Variants in CHD6 observed in about 807,000 individuals in gnomAD.
The protein encoded by CHD6 is ATP-dependent chromatin remodeler CHD6.
A neutral mutation model predicts 276.9 loss-of-function variants in CHD6; 50 were observed. The observed-to-expected ratio is 0.18, with a 90% CI of 0.14 to 0.23. CHD6 has a LOEUF of 0.23. Among genes scored for constraint, CHD6 ranks in the 10% least tolerant of loss-of-function variants. The probability of loss-of-function intolerance (pLI) is 1.00; values close to 1 mark genes in which losing one functional copy is unlikely to be tolerated. For missense variants in CHD6, 2,564 were observed against 3,365.8 expected (o/e 0.76, Z 5.89); for synonymous variants, 1,173 against 1,229.3 (o/e 0.95, Z 0.96).
At chr20:41,553,670 G>A (rs2045179182) in intron 1 of CHD6, among the ~76,000 whole-genome samples, 1 of 152,216 alleles carries the variant, frequency 6.6e-6, no homozygotes, top group South Asian at 2.1e-4. Flanking sequence ...CTTTGTTCAG[G>A]TGTGCTCTCA....
intron 16 of CHD6, among the ~76,000 whole-genome samples, chr20:41,474,369 C>A (rs1336292126): frequency 2.0e-5 from 3 of 152,068 alleles, no homozygotes; most frequent in Non-Finnish European, 4.4e-5. Flanking sequence ...CAGAAGAGAC[C>A]TTTACGTTGG....
chr20:41,593,065 A>T (rs1313236164), intron 1 of CHD6, among the ~76,000 whole-genome samples: 1 of 152,066 alleles, frequency 6.6e-6, no homozygotes, highest in Non-Finnish European at 1.5e-5. Flanking sequence ...ACAACAGAAA[A>T]ATCAAAATAC....
In CHD6 at chr20:41,420,622, C is replaced by T; in HGVS notation, c.6013G>A (p.Glu2005Lys). 1 of 1,614,230 alleles carries T rather than the reference C, an allele frequency of 6.2e-7. No individual in the cohort carries two copies. Among genetic ancestry groups the T allele is most frequent in the Non-Finnish European group, 8.5e-7 (1 of 1,180,042 alleles). Residue 2005 changes from glutamate (E) to lysine (K), a missense_variant, in exon 31 of 37, where the codon GAG becomes AAG. Physicochemically the swap from Glu to Lys is moderately conservative, Grantham distance 56. Transcript: ENST00000373233. The part of the protein sequence containing the change: ...LLKEPWKESA[E>K]GQNVFPTYPL... ...TATGTGGGGAAAACGTTTTGCCCCT[C>T]TGCACTTTCTTTCCAAGGTTCTTTT...
intron 27 of CHD6, among the ~76,000 whole-genome samples, chr20:41,427,244 G>A (rs1458116096): frequency 1.3e-5 from 2 of 151,628 alleles, no homozygotes; most frequent in African/African-American, 4.9e-5. Context: ...ACCCATGACT[G>A]CCAACAGTGA....
At chr20:41,567,205 A>C (rs370549950) in intron 1 of CHD6, among the ~76,000 whole-genome samples, 16 of 152,246 alleles carry the variant, frequency 1.1e-4, no homozygotes, top group African/African-American at 3.4e-4. Context: ...TATGTGTGGC[A>C]GGTGTTCTCT....
intron 1 of CHD6, among the ~76,000 whole-genome samples, chr20:41,603,298 T>C (rs916771058): frequency 6.6e-6 from 1 of 152,082 alleles, no homozygotes; most frequent in Non-Finnish European, 1.5e-5. Context: ...GCCAAGATCA[T>C]GCCACTGTAC....
intron 4 of CHD6, among the ~76,000 whole-genome samples, chr20:41,513,307 C>T (rs1364634510): frequency 6.6e-6 from 1 of 152,104 alleles, no homozygotes; most frequent in Non-Finnish European, 1.5e-5. Flanking sequence ...TTTCAGAATC[C>T]ACTTCTCCTC....
Position 41,497,517 on chromosome 20 carries a change from C to T in CHD6, c.975-16G>A. 1 of 1,560,146 alleles carries T rather than the reference C, an allele frequency of 6.4e-7. No homozygotes were observed. The stretch of plus-strand genomic sequence containing the variant: ...TAAGTAGGAACTATCCAAAGACATA[C>T]AAATTGTCAGGCAAGCACATAACTA... On this transcript the variant is annotated splice_polypyrimidine_tract_variant and intron_variant, in intron 7 of 36. Coordinates refer to ENST00000373233, the MANE Select transcript of CHD6 (RefSeq NM_032221.5).
rs938991898 is a variant in CHD6 at position 41,431,574 on chromosome 20, A to G, written c.4069-5421T>C. 3.9e-5 allele frequency among the ~76,000 whole-genome samples: 6 copies of G among 152,174 alleles called. No homozygotes were observed. The East Asian group carries it at 1.2e-3, about 29-fold the overall frequency. ...TGGGGCCCAGGTAGGGTTTCAGTCTACTTATGCAAAATCTCAGAAACTCAT... is the reference window on the plus strand; with the variant it reads ...TGGGGCCCAGGTAGGGTTTCAGTCTGCTTATGCAAAATCTCAGAAACTCAT... On this transcript the variant is annotated intron_variant, in intron 27 of 36. Transcript: ENST00000373233.
At chr20:41,576,811 T>A (rs1165909706) in intron 1 of CHD6, among the ~76,000 whole-genome samples, 2 of 152,196 alleles carry the variant, frequency 1.3e-5, no homozygotes, top group Non-Finnish European at 2.9e-5. Context: ...ATTCAAACCA[T>A]CAGATTGTTA....
chr20:41,555,172 G>A (rs1366378914), intron 1 of CHD6, among the ~76,000 whole-genome samples: 8 of 133,612 alleles, frequency 6.0e-5, no homozygotes, highest in Non-Finnish European at 1.1e-4. Flanking sequence ...TCACTTCCCA[G>A]TAGGGGCGGC....
At chr20:41,593,363 T>A (rs2045684312) in intron 1 of CHD6, among the ~76,000 whole-genome samples, 1 of 152,242 alleles carries the variant, frequency 6.6e-6, no homozygotes, top group Non-Finnish European at 1.5e-5. Context: ...CATTAATTTA[T>A]GAGAACACAC....
Position 41,462,343 on chromosome 20 carries a change from C to T in CHD6, c.2665-4915G>A, listed in dbSNP as rs569092317. Among the ~76,000 whole-genome samples, 124 of 152,140 alleles carry T rather than the reference C, an allele frequency of 8.2e-4. 1 individual carries two copies. Among genetic ancestry groups the T allele is most frequent in the Non-Finnish European group, 1.6e-3 (109 of 68,016 alleles). ...TATAACATTTTCAGAAAACCAATAC[C>T]ATTACAACTCACTCAAAACATAATT... On this transcript the variant is annotated intron_variant, in intron 17 of 36. Coordinates refer to ENST00000373233, the MANE Select transcript of CHD6 (RefSeq NM_032221.5).
At chr20:41,416,322 C>T (rs188940570) in intron 33 of CHD6, among the ~76,000 whole-genome samples, 1 of 152,184 alleles carries the variant, frequency 6.6e-6, no homozygotes, top group African/African-American at 2.4e-5. Flanking sequence ...TATCAGTTTC[C>T]TGCTTGGCCC....
At chr20:41,451,400 T>C (rs1600890864) in intron 22 of CHD6, among the ~76,000 whole-genome samples, 1 of 152,208 alleles carries the variant, frequency 6.6e-6, no homozygotes, top group Non-Finnish European at 1.5e-5. Flanking sequence ...ACTTACAACC[T>C]GGCTGGGAGA....
intron 5 of CHD6, among the ~76,000 whole-genome samples, chr20:41,506,445 C>A (rs1369835954): frequency 6.6e-6 from 1 of 152,036 alleles, no homozygotes; most frequent in Non-Finnish European, 1.5e-5. Context: ...CTAAGATGTT[C>A]TTCTGCCCTG....
At chr20:41,410,767 A>C (rs2046817806) in intron 36 of CHD6, among the ~76,000 whole-genome samples, 1 of 152,156 alleles carries the variant, frequency 6.6e-6, no homozygotes, top group Non-Finnish European at 1.5e-5. Context: ...AAGGAACATG[A>C]GGGAAACTGT....
intron 3 of CHD6, among the ~76,000 whole-genome samples, chr20:41,523,170 G>A (rs1165734254): frequency 6.6e-6 from 1 of 152,110 alleles, no homozygotes; most frequent in Non-Finnish European, 1.5e-5. Flanking sequence ...TTAAGCCAGT[G>A]AACCTCATCA....
chr20:41,412,949 C>T (rs954084131), intron 35 of CHD6, among the ~76,000 whole-genome samples: 7 of 152,120 alleles, frequency 4.6e-5, no homozygotes, highest in Non-Finnish European at 1.0e-4. Context: ...ACAAATGGAA[C>T]GTATTAACTT....
Sources: allele counts gnomAD v4.1 joint callset (sites outside exome capture counted in the v4.1 genomes callset), GRCh38; gene constraint gnomAD v4.1.1; transcripts MANE v1.5; gene names NCBI Gene and HGNC (gene_info 2026-07-23, HGNC 2026-07-21).